The following DLG2 variants were observed in gnomAD, a reference collection of about 807,000 sequenced individuals.
DLG2 encodes the protein discs large MAGUK scaffold protein 2.
DLG2 carries 45 observed loss-of-function variants against 132.5 expected under a neutral mutation model. The observed-to-expected ratio is 0.34, with a 90% CI of 0.27 to 0.44. The LOEUF (loss-of-function observed/expected upper bound fraction) is 0.44, where lower values mean the gene tolerates loss of function less well. Among genes scored for constraint, DLG2 ranks in the 20% least tolerant of loss-of-function variants. The probability of loss-of-function intolerance (pLI) is 1.00; values close to 1 mark genes in which losing one functional copy is unlikely to be tolerated. For synonymous variants in DLG2, 424 were observed against 419.6 expected (o/e 1.01, Z -0.13); for missense variants, 1,045 against 1,196.9 (o/e 0.87, Z 1.87).
intron 18 of DLG2, among the ~76,000 whole-genome samples, chr11:83,695,414 G>A (rs2081723253): frequency 6.6e-6 from 1 of 152,212 alleles, no homozygotes; most frequent in Non-Finnish European, 1.5e-5. Context: ...GAAATTATGT[G>A]TGGGGAGGGG....
intron 4 of DLG2, among the ~76,000 whole-genome samples, chr11:85,204,488 G>C (rs12287903): frequency 6.6e-6 from 1 of 151,876 alleles, no homozygotes; most frequent in Non-Finnish European, 1.5e-5. Context: ...AGAAGTGAAA[G>C]ATCTCTTCAA....
chr11:83,682,552 T>TGTA, intron 18 of DLG2: 3 of 669,612 alleles, frequency 4.5e-6, no homozygotes, highest in African/African-American at 2.0e-5. Context: ...CTTGTTAAGG[T>TGTA]GGATCCACCC....
At chr11:84,232,420 T>G (rs534547345) in intron 8 of DLG2, among the ~76,000 whole-genome samples, 48 of 152,304 alleles carry the variant, frequency 3.2e-4, no homozygotes, top group African/African-American at 1.0e-3. Context: ...GTTAATCAAA[T>G]TACCTTGGAG....
At chr11:84,053,673 G>A (rs1048598541) in intron 11 of DLG2, among the ~76,000 whole-genome samples, 21 of 151,956 alleles carry the variant, frequency 1.4e-4, no homozygotes, top group Admixed American at 7.2e-4. Context: ...TTGCAGATGC[G>A]GAAAGTGAGT....
intron 8 of DLG2, among the ~76,000 whole-genome samples, chr11:84,193,660 TC>T (rs1365068374): frequency 6.6e-6 from 1 of 152,232 alleles, no homozygotes; most frequent in Non-Finnish European, 1.5e-5. Flanking sequence ...CACAGTTTGT[TC>T]TGGGTCCTAT....
intron 15 of DLG2, among the ~76,000 whole-genome samples, chr11:83,909,202 G>A (rs2075605382): frequency 6.6e-6 from 1 of 152,170 alleles, no homozygotes; most frequent in South Asian, 2.1e-4. Context: ...TGTTCTAGTA[G>A]GGCATTTATT....
chr11:85,081,896 C>T (rs1433734316), intron 6 of DLG2, among the ~76,000 whole-genome samples: 1 of 152,076 alleles, frequency 6.6e-6, no homozygotes, highest in African/African-American at 2.4e-5. Context: ...ACCCCTGTAT[C>T]CAGGAGGAAG....
chr11:84,279,611 TG>T (rs1403114253), intron 7 of DLG2, among the ~76,000 whole-genome samples: 2 of 152,190 alleles, frequency 1.3e-5, no homozygotes, highest in Admixed American at 1.3e-4. Context: ...ATATACACCA[TG>T]GAATACTATG....
chr11:85,147,247 C>T (rs2076930238), intron 5 of DLG2, among the ~76,000 whole-genome samples: 1 of 152,168 alleles, frequency 6.6e-6, no homozygotes, highest in Non-Finnish European at 1.5e-5. Context: ...ATTTGGTGTT[C>T]CTGCAGGGGG....
At chr11:84,045,976 G>GA (rs1201981717) in intron 11 of DLG2, among the ~76,000 whole-genome samples, 9 of 150,534 alleles carry the variant, frequency 6.0e-5, no homozygotes, top group East Asian at 2.0e-4. Context: ...CTCAATTATA[G>GA]AAAAAAAAAT....
chr11:85,376,446 G>A lies in DLG2; in HGVS notation c.41-91081C>T, dbSNP rs149340759. Among the ~76,000 whole-genome samples the A allele has an allele frequency of 1.2e-3, 186 of 152,296 alleles. 1 individual carries two copies. The highest frequency in any genetic ancestry group is 0.011 in the East Asian group (57 of 5,178). ...TGGTCTTACAACTGGTAAATGTCAA[G>A]AGGCCTGAACCAAGTTTTTTTATTC... On this transcript the variant is annotated intron_variant, in intron 3 of 27. Transcript: ENST00000376104.
At chr11:84,368,465 C>T (rs1189553143) in intron 7 of DLG2, among the ~76,000 whole-genome samples, 1 of 151,974 alleles carries the variant, frequency 6.6e-6, no homozygotes, top group African/African-American at 2.4e-5. Flanking sequence ...ATAGCATGTG[C>T]TCAAACCATC....
At chr11:85,011,739 A>G (rs552260986) in intron 6 of DLG2, among the ~76,000 whole-genome samples, 3 of 152,302 alleles carry the variant, frequency 2.0e-5, no homozygotes, top group South Asian at 2.1e-4. Flanking sequence ...ATTTTATATT[A>G]TGCAAAGATA....
chr11:85,542,779 GT>G (rs1401376891), intron 3 of DLG2, among the ~76,000 whole-genome samples: 5 of 152,100 alleles, frequency 3.3e-5, no homozygotes, highest in Non-Finnish European at 7.4e-5. Flanking sequence ...CTGAATTAAT[GT>G]TTCAAAAAGT....
rs182339524 is a variant in DLG2 at position 83,673,548 on chromosome 11, A to G, written c.1826-40223T>C. Among the ~76,000 whole-genome samples the G allele has an allele frequency of 2.8e-3, 428 of 152,346 alleles. 3 individuals carry two copies. The highest frequency in any genetic ancestry group is 9.8e-3 in the African/African-American group (409 of 41,584). ...ATTTTAAAATGAGGTTGTTGATGGTAGAAGGCCCACTAGCACTTTTTTGTT... is the reference window on the plus strand; with the variant it reads ...ATTTTAAAATGAGGTTGTTGATGGTGGAAGGCCCACTAGCACTTTTTTGTT... On this transcript the variant is annotated intron_variant, in intron 18 of 27. Transcript: ENST00000376104.
intron 6 of DLG2, among the ~76,000 whole-genome samples, chr11:84,843,287 T>A (rs572430511): frequency 6.9e-6 from 1 of 145,002 alleles, no homozygotes; most frequent in African/African-American, 2.7e-5. Flanking sequence ...TTAATAGTAC[T>A]GTTAAAAAAA....
chr11:84,240,520 T>C (rs967037405), intron 8 of DLG2, among the ~76,000 whole-genome samples: 1 of 152,282 alleles, frequency 6.6e-6, no homozygotes, highest in Admixed American at 6.5e-5. Flanking sequence ...GACTCCATTC[T>C]CTTTCTACTA....
chr11:85,501,316 C>T (rs2093797327), intron 3 of DLG2, among the ~76,000 whole-genome samples: 1 of 152,134 alleles, frequency 6.6e-6, no homozygotes, highest in Non-Finnish European at 1.5e-5. Context: ...CATAAAAATC[C>T]TAGAAGAAAA....
intron 15 of DLG2, among the ~76,000 whole-genome samples, chr11:83,891,599 T>C (rs1429182261): frequency 6.6e-6 from 1 of 152,200 alleles, no homozygotes; most frequent in Non-Finnish European, 1.5e-5. Flanking sequence ...AAAGCAGTTC[T>C]GAAGAAGACT....
Sources: gnomAD v4.1 joint callset for allele counts (sites outside exome capture counted in the v4.1 genomes callset) on GRCh38, gnomAD v4.1.1 for gene constraint, MANE v1.5 for transcripts, NCBI Gene and HGNC (gene_info 2026-07-23, HGNC 2026-07-21) for gene names.